MMP16: variants seen among roughly 807,000 people sequenced by gnomAD.
MMP16 encodes matrix metalloproteinase-16.
A neutral mutation model predicts 67.8 loss-of-function variants in MMP16; 12 were observed. The ratio of observed to expected loss-of-function variants is 0.18; its 90% confidence interval spans 0.11 to 0.29. The LOEUF is 0.29. Among genes scored for constraint, MMP16 ranks in the 10% least tolerant of loss-of-function variants. The probability of loss-of-function intolerance (pLI) is 1.00; values close to 1 mark genes in which losing one functional copy is unlikely to be tolerated. For synonymous variants in MMP16, 249 were observed against 255.9 expected (o/e 0.97, Z 0.26); for missense variants, 475 against 765.7 (o/e 0.62, Z 4.48).
intron 7 of MMP16, among the ~76,000 whole-genome samples, chr8:88,064,714 A>T (rs1018264774): frequency 6.6e-6 from 1 of 152,064 alleles, no homozygotes; most frequent in African/African-American, 2.4e-5. Context: ...ACTAATCTCT[A>T]TTTGGGCTCA....
chr8:88,230,357 C>T (rs566358842), intron 1 of MMP16, among the ~76,000 whole-genome samples: 4 of 152,150 alleles, frequency 2.6e-5, no homozygotes, highest in Admixed American at 6.6e-5. Context: ...GAAAACCTAA[C>T]ATTTTAAAAG....
At chr8:88,182,291 A>C (rs1389532019) in intron 3 of MMP16, among the ~76,000 whole-genome samples, 1 of 152,154 alleles carries the variant, frequency 6.6e-6, no homozygotes, top group African/African-American at 2.4e-5. Flanking sequence ...AGAAAATCTT[A>C]AAACAAGCAA....
At chr8:88,107,442 C>A (rs986265356) in intron 6 of MMP16, among the ~76,000 whole-genome samples, 7 of 150,718 alleles carry the variant, frequency 4.6e-5, no homozygotes, top group African/African-American at 1.7e-4. Context: ...CATGGAAATT[C>A]TTTTCATTAC....
Position 88,200,525 on chromosome 8 carries a change from G to T in MMP16, c.133-3219C>A, listed in dbSNP as rs556046207. ...AGACAAAACCAATTTCCAGCACTTA[G>T]TGATTATTCAGTTGGAGGAACAACC... On this transcript the variant is annotated intron_variant, in intron 1 of 9. Coordinates refer to ENST00000286614, the MANE Select transcript of MMP16 (RefSeq NM_005941.5). Among the ~76,000 whole-genome samples, 3 of 152,054 alleles carry T rather than the reference G, an allele frequency of 2.0e-5. No individual in the cohort carries two copies. The South Asian group carries it at 6.2e-4, about 31-fold the overall frequency.
At chr8:88,225,712 T>G (rs1030499288) in intron 1 of MMP16, among the ~76,000 whole-genome samples, 2 of 151,516 alleles carry the variant, frequency 1.3e-5, no homozygotes, top group Non-Finnish European at 3.0e-5. Context: ...ATATAAATAT[T>G]TAAAAGTTTT....
rs1809390379 is a variant in MMP16 at position 88,204,215 on chromosome 8, G to T, written c.133-6909C>A. On this transcript the variant is annotated intron_variant, in intron 1 of 9. Coordinates refer to ENST00000286614, the MANE Select transcript of MMP16 (RefSeq NM_005941.5). ...TATAAAAATGCAACACCTTTTGATT[G>T]GTTTTTAGAATGAACTGATAGACAT... Among the ~76,000 whole-genome samples the T allele has an allele frequency of 2.6e-5, 4 of 152,040 alleles. 1 individual carries two copies. The South Asian group carries it at 8.3e-4, about 32-fold the overall frequency.
intron 1 of MMP16, among the ~76,000 whole-genome samples, chr8:88,281,625 T>C (rs1371736717): frequency 2.0e-5 from 3 of 152,174 alleles, no homozygotes; most frequent in Admixed American, 1.3e-4. Context: ...CACTTGTTAA[T>C]CAATAAATTT....
intron 1 of MMP16, among the ~76,000 whole-genome samples, chr8:88,264,695 C>G (rs919165941): frequency 4.6e-5 from 7 of 152,204 alleles, no homozygotes; most frequent in Admixed American, 6.5e-5. Flanking sequence ...GACTGCTATG[C>G]TCAGAATCCC....
chr8:88,069,687 T>C (rs1000385327), intron 7 of MMP16, among the ~76,000 whole-genome samples: 16 of 152,276 alleles, frequency 1.1e-4, no homozygotes, highest in African/African-American at 3.6e-4. Flanking sequence ...CAACTCCTTT[T>C]AGTATCACAC....
chr8:88,205,682 A>G (rs1809415139), intron 1 of MMP16, among the ~76,000 whole-genome samples: 1 of 152,096 alleles, frequency 6.6e-6, no homozygotes, highest in South Asian at 2.1e-4. Context: ...TTTATTCTTT[A>G]ACAGCACTTT....
intron 4 of MMP16, among the ~76,000 whole-genome samples, chr8:88,166,285 AAT>A (rs1369459293): frequency 6.6e-6 from 1 of 152,050 alleles, no homozygotes; most frequent in Non-Finnish European, 1.5e-5. Context: ...CTTATAGTTG[AAT>A]AACATTCTAC....
chr8:88,102,292 C>G lies in MMP16; in HGVS notation c.1083+14215G>C, dbSNP rs373889179. Among the ~76,000 whole-genome samples, 47 of 151,966 alleles carry G rather than the reference C, an allele frequency of 3.1e-4. No homozygotes were observed. In the East Asian group the frequency reaches 8.0e-3, roughly 26 times the overall value. The stretch of plus-strand genomic sequence containing the variant: ...CAACTGGCCTCAAGTTAGGTCTCAA[C>G]TATCCGATCCCCTTTGGGTTTGATT... On this transcript the variant is annotated intron_variant, in intron 6 of 9. Transcript: ENST00000286614.
chr8:88,208,019 G>A (rs573705051), intron 1 of MMP16, among the ~76,000 whole-genome samples: 1 of 152,208 alleles, frequency 6.6e-6, no homozygotes, highest in Non-Finnish European at 1.5e-5. Flanking sequence ...AAAATAACAG[G>A]ATAAGTAGCT....
intron 2 of MMP16, 83 bp downstream of exon 2, chr8:88,197,075 T>A: frequency 7.7e-7 from 1 of 1,293,390 alleles, no homozygotes. Flanking sequence ...CATTTCTGGT[T>A]GGTGGAGTTC....
At chr8:88,146,477 C>T (rs1373414411) in intron 4 of MMP16, among the ~76,000 whole-genome samples, 1 of 151,924 alleles carries the variant, frequency 6.6e-6, no homozygotes, top group African/African-American at 2.4e-5. Flanking sequence ...CCTATATCCA[C>T]ATGGAACATA....
intron 6 of MMP16, among the ~76,000 whole-genome samples, chr8:88,075,655 A>G (rs28991880): frequency 6.6e-6 from 1 of 152,142 alleles, no homozygotes; most frequent in Non-Finnish European, 1.5e-5. Flanking sequence ...TTTAAAAACT[A>G]GGTGTATTTT....
intron 1 of MMP16, among the ~76,000 whole-genome samples, chr8:88,313,384 C>T (rs1811327231): frequency 6.6e-6 from 1 of 152,122 alleles, no homozygotes; most frequent in East Asian, 1.9e-4. Context: ...TTTCAGGATG[C>T]TTCTCCACTA....
intron 1 of MMP16, among the ~76,000 whole-genome samples, chr8:88,246,074 AAAAG>A (rs1356983177): frequency 1.8e-4 from 28 of 152,258 alleles, no homozygotes; most frequent in African/African-American, 6.3e-4. Context: ...GTTATGGGGT[AAAAG>A]AAGAAAACAC....
intron 1 of MMP16, among the ~76,000 whole-genome samples, chr8:88,215,289 T>G (rs1809573064): frequency 6.6e-6 from 1 of 151,416 alleles, no homozygotes; most frequent in African/African-American, 2.4e-5. Flanking sequence ...GAGATCGCAC[T>G]CCAGCCTGGG....
Sources: allele counts gnomAD v4.1 joint callset (sites outside exome capture counted in the v4.1 genomes callset), GRCh38; gene constraint gnomAD v4.1.1; transcripts MANE v1.5; gene names NCBI Gene and HGNC (gene_info 2026-07-23, HGNC 2026-07-21).